ZBTB20: variants seen among roughly 807,000 people sequenced by gnomAD.
The protein encoded by ZBTB20 is zinc finger and BTB domain-containing protein 20.
Under a neutral mutation model 56.9 loss-of-function variants are expected in ZBTB20, and 9 were observed. That is an observed-to-expected ratio of 0.16 (90% CI 0.10 to 0.28). ZBTB20 has a LOEUF of 0.28. Among genes scored for constraint, ZBTB20 ranks in the 10% least tolerant of loss-of-function variants. The pLI, the probability that ZBTB20 is intolerant of heterozygous loss-of-function variation, is 1.00. For synonymous variants in ZBTB20, 417 were observed against 420.7 expected (o/e 0.99, Z 0.11); for missense variants, 655 against 1,003.0 (o/e 0.65, Z 4.69).
chr3:114,964,861 A>C (rs2077590025), intron 3 of ZBTB20, among the ~76,000 whole-genome samples: 1 of 152,196 alleles, frequency 6.6e-6, no homozygotes, highest in Admixed American at 6.6e-5. Flanking sequence ...GGTCTGAATA[A>C]ATTCCTTCAA....
At chr3:114,860,896 C>T (rs2075494290) in intron 4 of ZBTB20, among the ~76,000 whole-genome samples, 1 of 152,202 alleles carries the variant, frequency 6.6e-6, no homozygotes, top group South Asian at 2.1e-4. Flanking sequence ...ATCTTAAGAT[C>T]TGAAACTGGG....
rs963708545 is a variant in ZBTB20, at chr3:114,320,156, G to T, written c.*18849C>A. Reference sequence around the variant, plus strand: ...TTACTTGATGATATTAATCTTTCATGTGGGATGTAGTTTGTATGTGTATTC... The same window carrying T: ...TTACTTGATGATATTAATCTTTCATTTGGGATGTAGTTTGTATGTGTATTC... On this transcript the variant is annotated 3_prime_UTR_variant, in exon 12 of 12. Transcript: ENST00000675478. The T allele has an allele frequency of 1.3e-5, 2 of 152,112 alleles. No homozygotes were observed. Among genetic ancestry groups the T allele is most frequent in the African/African-American group, 4.8e-5 (2 of 41,424 alleles). 9.4% of individuals were successfully genotyped at this position (152,112 alleles called of 1,614,324 possible).
At chr3:114,937,550 T>C (rs2076581994) in intron 3 of ZBTB20, among the ~76,000 whole-genome samples, 1 of 151,936 alleles carries the variant, frequency 6.6e-6, no homozygotes, top group Non-Finnish European at 1.5e-5. Flanking sequence ...GCTTCCCAAG[T>C]AGCTGGGACT....
chr3:115,067,859 T>C lies in ZBTB20; in HGVS notation c.-507+3360A>G, dbSNP rs965981078. Among the ~76,000 whole-genome samples the C allele has an allele frequency of 3.9e-5, 6 of 152,196 alleles. 1 individual carries two copies. The Middle Eastern group carries it at 0.014, about 345-fold the overall frequency. On this transcript the variant is annotated intron_variant, in intron 2 of 11. Coordinates refer to ENST00000675478, the MANE Select transcript of ZBTB20 (RefSeq NM_001348800.3). The stretch of plus-strand genomic sequence containing the variant: ...CAATTTTATTGTTGCAGCAAAACAA[T>C]AGTGGTGGATTAACCCATCACCTCA...
chr3:114,725,691 T>C (rs2065223388), intron 5 of ZBTB20, among the ~76,000 whole-genome samples: 1 of 152,226 alleles, frequency 6.6e-6, no homozygotes, highest in Non-Finnish European at 1.5e-5. Flanking sequence ...TAATACAATA[T>C]ACCAACAAAT....
chr3:114,681,630 T>C (rs898856918), intron 6 of ZBTB20, among the ~76,000 whole-genome samples: 2 of 152,164 alleles, frequency 1.3e-5, no homozygotes, highest in African/African-American at 2.4e-5. Flanking sequence ...TAATAGAGGG[T>C]TTATGGAGTA....
intron 7 of ZBTB20, among the ~76,000 whole-genome samples, chr3:114,432,686 G>T (rs189742080): frequency 6.6e-6 from 1 of 152,272 alleles, no homozygotes; most frequent in Admixed American, 6.5e-5. Flanking sequence ...CAGACTTTTT[G>T]AGGAAGAACC....
intron 7 of ZBTB20, among the ~76,000 whole-genome samples, chr3:114,398,264 C>A (rs1240859642): frequency 6.6e-6 from 1 of 152,090 alleles, no homozygotes; most frequent in Non-Finnish European, 1.5e-5. Context: ...GGGTGTACAT[C>A]CTCTTGGGTA....
rs1053873769 is a variant in ZBTB20 at position 114,315,957 on chromosome 3, T to C, written c.*23048A>G. On this transcript the variant is annotated 3_prime_UTR_variant, in exon 12 of 12. Coordinates refer to ENST00000675478, the MANE Select transcript of ZBTB20 (RefSeq NM_001348800.3). ...CGTTAAGGTGCTTCAAAAAAGGTTT[T>C]TTGTTTTTTTGTTTTTTTTTTCAGT... The C allele has an allele frequency of 6.5e-6, 1 of 154,684 alleles. No individual in the cohort carries two copies. Among genetic ancestry groups the C allele is most frequent in the African/African-American group, 2.4e-5 (1 of 41,450 alleles). 9.6% of individuals were successfully genotyped at this position (154,684 alleles called of 1,614,324 possible).
intron 2 of ZBTB20, among the ~76,000 whole-genome samples, chr3:114,991,320 G>T (rs921636600): frequency 2.0e-5 from 3 of 151,960 alleles, no homozygotes; most frequent in African/African-American, 7.3e-5. Flanking sequence ...TGTTCTCATT[G>T]GTTTCAAAGA....
intron 7 of ZBTB20, among the ~76,000 whole-genome samples, chr3:114,481,699 C>G (rs1225125415): frequency 1.3e-5 from 2 of 152,214 alleles, no homozygotes; most frequent in Non-Finnish European, 2.9e-5. Flanking sequence ...ATCCATCCTT[C>G]CCTAATAGTC....
chr3:115,127,203 C>T (rs1185341503), intron 1 of ZBTB20, among the ~76,000 whole-genome samples: 1 of 152,124 alleles, frequency 6.6e-6, no homozygotes, highest in African/African-American at 2.4e-5. Context: ...TTGATTGAGA[C>T]TATTCAAGGC....
intron 6 of ZBTB20, among the ~76,000 whole-genome samples, chr3:114,595,532 C>T (rs959468622): frequency 6.6e-6 from 1 of 152,190 alleles, no homozygotes; most frequent in African/African-American, 2.4e-5. Context: ...AGATTGAGAT[C>T]CATCCAACTT....
chr3:115,020,279 G>C (rs2080151669), intron 2 of ZBTB20, among the ~76,000 whole-genome samples: 1 of 151,124 alleles, frequency 6.6e-6, no homozygotes, highest in African/African-American at 2.4e-5. Flanking sequence ...GCATGGTTAT[G>C]CTACACCTAT....
intron 4 of ZBTB20, among the ~76,000 whole-genome samples, chr3:114,870,447 C>T (rs2075955538): frequency 6.6e-6 from 1 of 150,382 alleles, no homozygotes; most frequent in Non-Finnish European, 1.5e-5. Context: ...CCTCCAATCC[C>T]ATATTTTTAT....
chr3:114,843,758 C>T (rs1029549381), intron 4 of ZBTB20, among the ~76,000 whole-genome samples: 2 of 152,024 alleles, frequency 1.3e-5, no homozygotes, highest in East Asian at 3.9e-4. Context: ...CTCACTGCAA[C>T]CTCTGCCTCC....
intron 4 of ZBTB20, among the ~76,000 whole-genome samples, chr3:114,838,739 A>G (rs961899414): frequency 3.9e-5 from 6 of 152,132 alleles, no homozygotes; most frequent in African/African-American, 1.4e-4. Context: ...GCACTATTCC[A>G]TATTTTTTTT....
At chr3:114,913,237 C>T (rs1362843037) in intron 3 of ZBTB20, among the ~76,000 whole-genome samples, 2 of 151,974 alleles carry the variant, frequency 1.3e-5, no homozygotes, top group Non-Finnish European at 2.9e-5. Flanking sequence ...ATATCCTCAC[C>T]ACCACCCATT....
intron 2 of ZBTB20, among the ~76,000 whole-genome samples, chr3:115,066,102 C>G (rs917509413): frequency 3.3e-5 from 5 of 152,118 alleles, no homozygotes; most frequent in Non-Finnish European, 7.4e-5. Context: ...ACACACTTAT[C>G]CTAACTTTTA....
Sources: gnomAD v4.1 joint callset for allele counts (sites outside exome capture counted in the v4.1 genomes callset) on GRCh38, gnomAD v4.1.1 for gene constraint, MANE v1.5 for transcripts, NCBI Gene and HGNC (gene_info 2026-07-23, HGNC 2026-07-21) for gene names.